Variants in SHISA6 observed in about 807,000 individuals in gnomAD.
The protein encoded by SHISA6 is protein shisa-6.
A neutral mutation model predicts 47.9 loss-of-function variants in SHISA6; 22 were observed. That is an observed-to-expected ratio of 0.46 (90% CI 0.33 to 0.66). SHISA6 has a LOEUF of 0.66. Ranked by LOEUF, SHISA6 falls within the 30% of genes least tolerant of loss-of-function variation. The pLI is 0.02. For missense variants in SHISA6, 680 were observed against 764.6 expected (o/e 0.89, Z 1.30); for synonymous variants, 388 against 337.8 (o/e 1.15, Z -1.63).
chr17:11,361,134 A>G (rs1203143997), intron 2 of SHISA6, among the ~76,000 whole-genome samples: 1 of 151,728 alleles, frequency 6.6e-6, no homozygotes, highest in Non-Finnish European at 1.5e-5. Context: ...CATATCTAGT[A>G]CAAGTTCTCC....
chr17:11,274,015 G>A (rs1567557137), intron 2 of SHISA6, among the ~76,000 whole-genome samples: 1 of 152,222 alleles, frequency 6.6e-6, no homozygotes, highest in Non-Finnish European at 1.5e-5. Context: ...TTAAGGACAG[G>A]TGTGCCCAGA....
At chr17:11,308,479 T>G (rs1910206382) in intron 2 of SHISA6, among the ~76,000 whole-genome samples, 1 of 152,156 alleles carries the variant, frequency 6.6e-6, no homozygotes, top group Admixed American at 6.5e-5. Context: ...GAGCTTTCTC[T>G]TTTCCCCTCT....
intron 2 of SHISA6, among the ~76,000 whole-genome samples, chr17:11,296,682 G>A (rs934697313): frequency 2.0e-5 from 3 of 152,078 alleles, no homozygotes; most frequent in African/African-American, 7.2e-5. Flanking sequence ...AAGTGATGGG[G>A]GGATGTCTCC....
At chr17:11,557,137 A>G (rs1008973074) in intron 5 of SHISA6, among the ~76,000 whole-genome samples, 4 of 152,208 alleles carry the variant, frequency 2.6e-5, no homozygotes, top group Non-Finnish European at 5.9e-5. Context: ...TTGGCTTTCT[A>G]TGCGTTGCCT....
intron 1 of SHISA6, among the ~76,000 whole-genome samples, chr17:11,258,685 G>A (rs1322230824): frequency 6.6e-6 from 1 of 152,196 alleles, no homozygotes; most frequent in Non-Finnish European, 1.5e-5. Flanking sequence ...GGGGTCTGGT[G>A]AAGTATATTG....
intron 3 of SHISA6, among the ~76,000 whole-genome samples, chr17:11,412,572 C>G (rs934624735): frequency 6.6e-6 from 1 of 151,372 alleles, no homozygotes; most frequent in Non-Finnish European, 1.5e-5. Context: ...GACAGAGTCT[C>G]ACTCTGTCGC....
At position 11,243,022 on chromosome 17, in the gene SHISA6, C is replaced by T. The variant is rs553274556; in HGVS notation, c.638+962C>T. ...GGATGGCTGGACATGGTGCAAGAGT[C>T]CTCTCAGGGAACAAACCCTGCCCCG... On this transcript the variant is annotated intron_variant, in intron 1 of 5. Transcript: ENST00000441885. Among the ~76,000 whole-genome samples, 4 of 152,084 alleles carry T rather than the reference C, an allele frequency of 2.6e-5. No homozygotes were observed. In the East Asian group the frequency reaches 5.9e-4, roughly 22 times the overall value.
intron 3 of SHISA6, among the ~76,000 whole-genome samples, chr17:11,453,285 G>A (rs1915451307): frequency 6.6e-6 from 1 of 152,148 alleles, no homozygotes; most frequent in African/African-American, 2.4e-5. Context: ...ACAGACACTT[G>A]GTAGAAGAGA....
chr17:11,360,275 A>G (rs776430513), intron 2 of SHISA6, among the ~76,000 whole-genome samples: 2 of 152,168 alleles, frequency 1.3e-5, no homozygotes, highest in Admixed American at 1.3e-4. Context: ...ATGAGAACAC[A>G]TGGGCCGGGC....
rs1414006839 is a variant in SHISA6 at position 11,551,939 on chromosome 17, G to A, written c.939G>A (p.Gln313=). The part of the protein sequence containing the change: ...YNHPILSSVT[Q]IPPHEKPRMN... ...ATCCGATTTTGAGCAGTGTTACCCA[G>A]ATCCCGCCACATGGTGAGAGATGAT... Residue 313 remains glutamine, a synonymous_variant, in exon 4 of 6, where the codon CAG becomes CAA. Transcript: ENST00000441885. 2.6e-6 allele frequency: 4 copies of A among 1,551,540 alleles called. No homozygotes were observed. The highest frequency in any genetic ancestry group is 3.5e-6 in the Non-Finnish European group (4 of 1,146,984).
chr17:11,293,564 G>A (rs1909629331), intron 2 of SHISA6, among the ~76,000 whole-genome samples: 1 of 152,116 alleles, frequency 6.6e-6, no homozygotes, highest in African/African-American at 2.4e-5. Flanking sequence ...TCCTCCTGCT[G>A]GGTCATTTAG....
intron 3 of SHISA6, among the ~76,000 whole-genome samples, chr17:11,391,690 A>G (rs891968845): frequency 2.0e-5 from 3 of 152,194 alleles, no homozygotes; most frequent in African/African-American, 4.8e-5. Context: ...CATGGCCCCA[A>G]TCATGGATAG....
chr17:11,301,141 T>C (rs1909913375), intron 2 of SHISA6, among the ~76,000 whole-genome samples: 1 of 152,050 alleles, frequency 6.6e-6, no homozygotes, highest in Admixed American at 6.5e-5. Flanking sequence ...CTGAGCCCGG[T>C]AGCAGACCCC....
At chr17:11,243,111 G>C (rs1597417017) in intron 1 of SHISA6, among the ~76,000 whole-genome samples, 1 of 151,652 alleles carries the variant, frequency 6.6e-6, no homozygotes, top group African/African-American at 2.4e-5. Flanking sequence ...GCACCCCCCA[G>C]ACCACTGCTT....
chr17:11,507,660 G>T (rs1465348353), intron 3 of SHISA6, among the ~76,000 whole-genome samples: 1 of 152,276 alleles, frequency 6.6e-6, no homozygotes, highest in African/African-American at 2.4e-5. Context: ...ATTATTACTT[G>T]AGAAGAGCAT....
At chr17:11,470,746 T>C (rs1915916793) in intron 3 of SHISA6, among the ~76,000 whole-genome samples, 1 of 122,710 alleles carries the variant, frequency 8.1e-6, no homozygotes, top group Non-Finnish European at 1.7e-5. Context: ...GTAAGTAGTC[T>C]TCTCATTTTG....
chr17:11,245,749 TG>T (rs59664791), intron 1 of SHISA6, among the ~76,000 whole-genome samples: 3 of 110,484 alleles, frequency 2.7e-5, no homozygotes, highest in East Asian at 2.5e-4. Context: ...GTGGGCAGGG[TG>T]GGGGGGGTGG....
At chr17:11,312,612 T>C (rs1910376692) in intron 2 of SHISA6, among the ~76,000 whole-genome samples, 1 of 152,240 alleles carries the variant, frequency 6.6e-6, no homozygotes, top group Non-Finnish European at 1.5e-5. Flanking sequence ...CAAAGAGACC[T>C]TGTCCAAACA....
chr17:11,413,696 T>C (rs1333564837), intron 3 of SHISA6, among the ~76,000 whole-genome samples: 1 of 152,168 alleles, frequency 6.6e-6, no homozygotes, highest in East Asian at 1.9e-4. Context: ...GGGCTTGTTC[T>C]GGCCAAGCCC....
Sources: allele counts gnomAD v4.1 joint callset (sites outside exome capture counted in the v4.1 genomes callset), GRCh38; gene constraint gnomAD v4.1.1; transcripts MANE v1.5; gene names NCBI Gene and HGNC (gene_info 2026-07-23, HGNC 2026-07-21).